The following NPAS3 variants were observed in gnomAD, a reference collection of about 807,000 sequenced individuals.
NPAS3 encodes the protein neuronal PAS domain protein 3.
A neutral mutation model predicts 73.1 loss-of-function variants in NPAS3; 14 were observed. The ratio of observed to expected loss-of-function variants is 0.19; its 90% CI spans 0.13 to 0.30. NPAS3 has a LOEUF of 0.30. Among genes scored for constraint, NPAS3 ranks in the 10% least tolerant of loss-of-function variants. The pLI is 1.00. For synonymous variants in NPAS3, 620 were observed against 541.5 expected, an observed-to-expected ratio of 1.14 and a Z score of -2.01; for missense variants, 1,096 against 1,250.0, an observed-to-expected ratio of 0.88 and a Z score of 1.86.
chr14:33,085,447 A>G (rs1366454971), intron 2 of NPAS3, among the ~76,000 whole-genome samples: 3 of 152,228 alleles, frequency 2.0e-5, no homozygotes, highest in Non-Finnish European at 4.4e-5. Context: ...TCAGAAGGGA[A>G]GGATTCATTG....
chr14:33,214,027 T>A (rs1450513186), intron 2 of NPAS3: 1 of 152,188 alleles, frequency 6.6e-6, no homozygotes, highest in Non-Finnish European at 1.5e-5. Context: ...TCTTCCTTCC[T>A]TCCTTGTTTC....
chr14:33,701,158 G>A (rs1011824100), intron 6 of NPAS3, among the ~76,000 whole-genome samples: 5 of 152,144 alleles, frequency 3.3e-5, no homozygotes, highest in Non-Finnish European at 7.3e-5. Flanking sequence ...CATGAATATG[G>A]TGCTGCACAG....
chr14:33,301,066 C>T (rs1350725441), intron 3 of NPAS3, among the ~76,000 whole-genome samples: 4 of 151,892 alleles, frequency 2.6e-5, no homozygotes, highest in Non-Finnish European at 4.4e-5. Context: ...TACTACTCCT[C>T]ATGTTTTTTC....
chr14:33,103,366 A>G (rs1440075719), intron 2 of NPAS3, among the ~76,000 whole-genome samples: 3 of 152,188 alleles, frequency 2.0e-5, no homozygotes, highest in African/African-American at 4.8e-5. Flanking sequence ...CCATTGCATC[A>G]TGTAGACTTA....
At chr14:32,945,989 T>G (rs559206120) in intron 1 of NPAS3, among the ~76,000 whole-genome samples, 98 of 152,266 alleles carry the variant, frequency 6.4e-4, no homozygotes, top group African/African-American at 2.2e-3. Context: ...GTGCCACAAG[T>G]TTCTCTAAAG....
At chr14:33,059,042 A>G (rs1566514411) in intron 2 of NPAS3, among the ~76,000 whole-genome samples, 3 of 152,170 alleles carry the variant, frequency 2.0e-5, no homozygotes, top group Non-Finnish European at 4.4e-5. Context: ...CCTCTTTCTC[A>G]CTTTGTTAGT....
chr14:33,291,891 G>A (rs1263740820), intron 3 of NPAS3, among the ~76,000 whole-genome samples: 11 of 152,296 alleles, frequency 7.2e-5, no homozygotes, highest in Non-Finnish European at 4.4e-5. Context: ...CCTTGCTGCC[G>A]ACAAATAGCC....
At chr14:33,093,610 C>T (rs963840416) in intron 2 of NPAS3, among the ~76,000 whole-genome samples, 2 of 145,370 alleles carry the variant, frequency 1.4e-5, no homozygotes, top group Non-Finnish European at 3.0e-5. Flanking sequence ...CCAGCCATGC[C>T]ATTACTGGGT....
At chr14:33,325,174 A>T (rs2043640737) in intron 3 of NPAS3, among the ~76,000 whole-genome samples, 1 of 152,118 alleles carries the variant, frequency 6.6e-6, no homozygotes, top group African/African-American at 2.4e-5. Context: ...TAAAAAATTA[A>T]TTTTTAATTT....
rs1566818824 is a variant in NPAS3, at chr14:33,347,901, T to A, written c.386-19285T>A. Among the ~76,000 whole-genome samples the A allele has an allele frequency of 2.0e-5, 3 of 151,828 alleles. No homozygotes were observed. The South Asian group carries it at 6.2e-4, about 32-fold the overall frequency. ...TTTTTTTTCAAATATTTTCAATCTGTGGTTGGTTGGATCTGCAGATACAGG... is the reference window on the plus strand; with the variant it reads ...TTTTTTTTCAAATATTTTCAATCTGAGGTTGGTTGGATCTGCAGATACAGG... On this transcript the variant is annotated intron_variant, in intron 3 of 11. Coordinates refer to ENST00000356141, the Ensembl canonical transcript of NPAS3.
chr14:33,053,618 A>G, intron 1 of NPAS3, among the ~76,000 whole-genome samples: 1 of 152,256 alleles, frequency 6.6e-6, no homozygotes. Context: ...AACATATTGT[A>G]GCAAGAAAGG....
chr14:33,359,563 A>C (rs776747720), intron 3 of NPAS3, among the ~76,000 whole-genome samples: 1 of 152,176 alleles, frequency 6.6e-6, no homozygotes, highest in Non-Finnish European at 1.5e-5. Context: ...AGCGGCACTC[A>C]TTGGAAAGGC....
At chr14:32,946,348 G>GTACACA (rs1555374428) in intron 1 of NPAS3, among the ~76,000 whole-genome samples, 2 of 139,314 alleles carry the variant, frequency 1.4e-5, no homozygotes, top group East Asian at 4.1e-4. Context: ...ACACACACGC[G>GTACACA]CACACACACA....
At chr14:33,704,431 T>A (rs2060604573) in intron 6 of NPAS3, among the ~76,000 whole-genome samples, 1 of 152,206 alleles carries the variant, frequency 6.6e-6, no homozygotes, top group Non-Finnish European at 1.5e-5. Context: ...TGGTTGTAGT[T>A]AAGACATTAT....
intron 1 of NPAS3, among the ~76,000 whole-genome samples, chr14:32,977,356 G>GCACACA (rs3057259): frequency 8.8e-4 from 125 of 141,538 alleles, no homozygotes; most frequent in African/African-American, 1.7e-3. Flanking sequence ...TCTCTGACAC[G>GCACACA]CACACACACA....
At chr14:33,510,334 A>G (rs563685786) in intron 4 of NPAS3, among the ~76,000 whole-genome samples, 4 of 152,140 alleles carry the variant, frequency 2.6e-5, no homozygotes, top group African/African-American at 7.2e-5. Context: ...TCAGGCTTCT[A>G]TTTCTCACTA....
chr14:33,284,161 T>C (rs1387537517), intron 3 of NPAS3, among the ~76,000 whole-genome samples: 1 of 152,186 alleles, frequency 6.6e-6, no homozygotes, highest in Non-Finnish European at 1.5e-5. Flanking sequence ...CATGCTGTCC[T>C]CATCCCAAAG....
At chr14:33,622,250 G>A (rs932073086) in intron 5 of NPAS3, among the ~76,000 whole-genome samples, 4 of 151,820 alleles carry the variant, frequency 2.6e-5, no homozygotes, top group Non-Finnish European at 5.9e-5. Flanking sequence ...ATTGGGATGC[G>A]TCAATAAAGT....
intron 2 of NPAS3, among the ~76,000 whole-genome samples, chr14:33,160,915 A>G (rs989727217): frequency 2.6e-5 from 4 of 152,196 alleles, no homozygotes; most frequent in African/African-American, 9.7e-5. Context: ...TCATTCACTC[A>G]CTGTCTTACT....
Sources: gnomAD v4.1 joint callset for allele counts (sites outside exome capture counted in the v4.1 genomes callset) on GRCh38, gnomAD v4.1.1 for gene constraint, MANE v1.5 for transcripts, NCBI Gene and HGNC (gene_info 2026-07-23, HGNC 2026-07-21) for gene names.